The following MVB12B variants were observed in gnomAD, a reference collection of about 807,000 sequenced individuals.
MVB12B encodes multivesicular body subunit 12B, also known as ESCRT-I complex subunit MVB12B.
Under a neutral mutation model 41.6 loss-of-function variants are expected in MVB12B, and 16 were observed. That is an observed-to-expected ratio of 0.38 (90% CI 0.26 to 0.58). The LOEUF is 0.58. MVB12B is among the 20% of genes least tolerant of loss of function. MVB12B has a pLI of 0.62. For synonymous variants in MVB12B, 133 were observed against 139.7 expected, an observed-to-expected ratio of 0.95 and a Z score of 0.34; for missense variants, 274 against 380.2, an observed-to-expected ratio of 0.72 and a Z score of 2.32.
chr9:126,467,031 A>G (rs1833215747), intron 7 of MVB12B, among the ~76,000 whole-genome samples: 1 of 151,776 alleles, frequency 6.6e-6, no homozygotes, highest in Non-Finnish European at 1.5e-5. Flanking sequence ...ACAGGGTTTC[A>G]CCATGTTGCC....
chr9:126,358,510 T>G (rs1829943703), intron 2 of MVB12B, among the ~76,000 whole-genome samples: 1 of 152,214 alleles, frequency 6.6e-6, no homozygotes, highest in Admixed American at 6.5e-5. Context: ...AGTTTTAGTG[T>G]AAAGTCTGCA....
chr9:126,359,342 T>G (rs1313093761), intron 2 of MVB12B, among the ~76,000 whole-genome samples: 1 of 152,214 alleles, frequency 6.6e-6, no homozygotes, highest in Non-Finnish European at 1.5e-5. Flanking sequence ...ATGTGTATGT[T>G]CATAAGGAAT....
chr9:126,416,581 A>G (rs1444313737), intron 6 of MVB12B, among the ~76,000 whole-genome samples: 1 of 152,196 alleles, frequency 6.6e-6, no homozygotes, highest in East Asian at 1.9e-4. Context: ...CTGATTGAGT[A>G]GTCTCATTTT....
rs1287247545 is a variant in MVB12B, at chr9:126,506,472, C to T, written c.*3209C>T. On this transcript the variant is annotated 3_prime_UTR_variant, in exon 10 of 10. Coordinates refer to ENST00000361171, the MANE Select transcript of MVB12B (RefSeq NM_033446.3). ...CGGACTTCCCGGCCGCCACTGGGCCCTGCCGGTCACCAGGCCACTGTGCAG... is the reference window on the plus strand; with the variant it reads ...CGGACTTCCCGGCCGCCACTGGGCCTTGCCGGTCACCAGGCCACTGTGCAG... The T allele has an allele frequency of 1.3e-5, 2 of 152,396 alleles. No individual in the cohort carries two copies. Among genetic ancestry groups the T allele is most frequent in the African/African-American group, 4.8e-5 (2 of 41,472 alleles). 9.4% of individuals were successfully genotyped at this position (152,396 alleles called of 1,614,324 possible). A position where few individuals can be genotyped will look rare whatever the true frequency, so the allele number is the denominator to read the frequency against.
intron 7 of MVB12B, among the ~76,000 whole-genome samples, chr9:126,447,344 T>C (rs1832799000): frequency 6.6e-6 from 1 of 151,804 alleles, no homozygotes; most frequent in Non-Finnish European, 1.5e-5. Context: ...TTTTGATTTT[T>C]AATAAAAGTG....
intron 2 of MVB12B, among the ~76,000 whole-genome samples, chr9:126,347,692 A>C (rs1234965618): frequency 6.6e-6 from 1 of 152,266 alleles, no homozygotes; most frequent in East Asian, 1.9e-4. Flanking sequence ...ATACAAGTTC[A>C]AACAAGCTTG....
At chr9:126,493,084 TCTGCTATACAAAAGTTTCAA>T (rs1345151665) in intron 9 of MVB12B, among the ~76,000 whole-genome samples, 22 of 152,198 alleles carry the variant, frequency 1.4e-4, no homozygotes, top group Admixed American at 1.4e-3. Flanking sequence ...AATGATGTGT[TCTGCTATACAAAAGTTTCAA>T]AATGTTCGTG....
intron 6 of MVB12B, among the ~76,000 whole-genome samples, chr9:126,407,855 G>A (rs966936483): frequency 1.1e-4 from 16 of 152,104 alleles, no homozygotes; most frequent in African/African-American, 3.6e-4. Flanking sequence ...AACTTTTGGA[G>A]CAGAATGGTT....
chr9:126,484,365 A>T (rs1833589947), intron 9 of MVB12B, among the ~76,000 whole-genome samples: 2 of 152,318 alleles, frequency 1.3e-5, no homozygotes, highest in South Asian at 4.1e-4. Flanking sequence ...CACCAGGTTG[A>T]CTTTTCTTCC....
intron 6 of MVB12B, among the ~76,000 whole-genome samples, chr9:126,401,180 A>T (rs558737011): frequency 5.3e-5 from 8 of 152,068 alleles, no homozygotes; most frequent in African/African-American, 1.9e-4. Flanking sequence ...TTATTTTCCC[A>T]CCCGAAGTCA....
intron 9 of MVB12B, among the ~76,000 whole-genome samples, chr9:126,497,397 G>C (rs58511446): frequency 0.021 from 3,259 of 152,110 alleles, 80 homozygotes; most frequent in African/African-American, 0.064. Flanking sequence ...CTCTGCCCAC[G>C]CCCCGCAGTG....
intron 7 of MVB12B, among the ~76,000 whole-genome samples, chr9:126,456,706 A>C (rs1454813179): frequency 6.6e-6 from 1 of 152,042 alleles, no homozygotes; most frequent in African/African-American, 2.4e-5. Context: ...TCCTCCTGGG[A>C]TATGGGGTCT....
At chr9:126,327,428 C>A in intron 1 of MVB12B, 2 of 623,340 alleles carry the variant, frequency 3.2e-6, no homozygotes, top group Non-Finnish European at 4.0e-6. Context: ...GGGTGCAGAC[C>A]AACGTGCACC....
At chr9:126,494,864 C>T (rs1447426431) in intron 9 of MVB12B, among the ~76,000 whole-genome samples, 1 of 147,444 alleles carries the variant, frequency 6.8e-6, no homozygotes, top group African/African-American at 2.5e-5. Context: ...CCAGGGAGCA[C>T]CCCACCCCCC....
intron 3 of MVB12B, among the ~76,000 whole-genome samples, chr9:126,384,137 A>C (rs377698991): frequency 1.1e-4 from 17 of 152,256 alleles, no homozygotes; most frequent in African/African-American, 3.9e-4. Context: ...GCGACTCTGA[A>C]AGCAGCTGAT....
intron 3 of MVB12B, among the ~76,000 whole-genome samples, chr9:126,384,538 T>C (rs1014083030): frequency 6.6e-6 from 1 of 152,114 alleles, no homozygotes; most frequent in South Asian, 2.1e-4. Flanking sequence ...TGTGTGTATA[T>C]ATATATATGA....
chr9:126,414,763 C>T (rs1208968541), intron 6 of MVB12B, among the ~76,000 whole-genome samples: 1 of 152,106 alleles, frequency 6.6e-6, no homozygotes, highest in African/African-American at 2.4e-5. Flanking sequence ...TAAAATGACT[C>T]CACTGAAACT....
At chr9:126,487,053 C>T (rs1021477277) in intron 9 of MVB12B, among the ~76,000 whole-genome samples, 7 of 152,190 alleles carry the variant, frequency 4.6e-5, no homozygotes, top group Non-Finnish European at 1.0e-4. Flanking sequence ...TCGGGCGCTC[C>T]GAGTCACAGT....
chr9:126,440,064 A>G (rs1443771651), intron 7 of MVB12B, among the ~76,000 whole-genome samples: 1 of 152,218 alleles, frequency 6.6e-6, no homozygotes, highest in African/African-American at 2.4e-5. Flanking sequence ...CCTGAACACA[A>G]CAACTTGGAA....
Sources: allele counts gnomAD v4.1 joint callset (sites outside exome capture counted in the v4.1 genomes callset), GRCh38; gene constraint gnomAD v4.1.1; transcripts MANE v1.5; gene names NCBI Gene and HGNC (gene_info 2026-07-23, HGNC 2026-07-21).